KIAA0232: variants seen among roughly 807,000 people sequenced by gnomAD.
KIAA0232 encodes the protein KIAA0232.
A neutral mutation model predicts 122.0 loss-of-function variants in KIAA0232; 27 were observed. The ratio of observed to expected loss-of-function variants is 0.22; its 90% CI spans 0.16 to 0.31. The LOEUF is 0.31. KIAA0232 is among the 10% of genes least tolerant of loss of function. The probability of loss-of-function intolerance (pLI) is 1.00; values close to 1 mark genes in which losing one functional copy is unlikely to be tolerated. For missense variants in KIAA0232, 1,551 were observed against 1,634.2 expected (o/e 0.95, Z 0.88); for synonymous variants, 613 against 587.6 (o/e 1.04, Z -0.63).
In KIAA0232 at chr4:6,811,747, ATTT is replaced by A. The variant is rs10709832; in HGVS notation, c.-270+7164_-270+7166del. Among the ~76,000 whole-genome samples the A allele has an allele frequency of 3.9e-3, 404 of 103,888 alleles. 1 individual carries two copies. Among genetic ancestry groups the A allele is most frequent in the African/African-American group, 0.015 (388 of 26,494 alleles). 68.2% of individuals were successfully genotyped at this position (103,888 alleles called of 152,430 possible). A position where few individuals can be genotyped will look rare whatever the true frequency, so the allele number is the denominator to read the frequency against. On this transcript the variant is annotated intron_variant, in intron 2 of 9. Coordinates refer to ENST00000307659, the MANE Select transcript of KIAA0232 (RefSeq NM_014743.3). Reference sequence around the variant, plus strand: ...GGTGTGAGCCACTGTGCCTGGCCTAATTTTTTTTTTTTTTTTTTTTTTTTTAAG... The same window carrying A: ...GGTGTGAGCCACTGTGCCTGGCCTAATTTTTTTTTTTTTTTTTTTTTTAAG...
chr4:6,867,708 G>C (rs9685974), intron 7 of KIAA0232, among the ~76,000 whole-genome samples: 129,595 of 152,124 alleles, frequency 0.85, 55,822 homozygotes, highest in Non-Finnish European at 0.9. Flanking sequence ...CAGGGGTCAT[G>C]CTGGTGATGT....
intron 4 of KIAA0232, among the ~76,000 whole-genome samples, chr4:6,853,730 A>G (rs6818468): frequency 0.78 from 118,875 of 152,118 alleles, 47,019 homozygotes; most frequent in Non-Finnish European, 0.85. Flanking sequence ...AATAAGTCAA[A>G]TTGCCTTTCT....
chr4:6,878,858 G>A (rs1342180109), intron 9 of KIAA0232, among the ~76,000 whole-genome samples: 1 of 152,116 alleles, frequency 6.6e-6, no homozygotes, highest in Non-Finnish European at 1.5e-5. Flanking sequence ...TAGCATCATC[G>A]TCCACGTCCT....
At chr4:6,798,818 C>T (rs1192765874) in intron 1 of KIAA0232, among the ~76,000 whole-genome samples, 1 of 152,202 alleles carries the variant, frequency 6.6e-6, no homozygotes, top group Non-Finnish European at 1.5e-5. Flanking sequence ...TCCCAAAGTG[C>T]TGGGATTATA....
chr4:6,820,448 A>G (rs1051797389), intron 2 of KIAA0232, among the ~76,000 whole-genome samples: 3 of 152,162 alleles, frequency 2.0e-5, no homozygotes, highest in Non-Finnish European at 4.4e-5. Context: ...TGCTGTTTTA[A>G]AATTCAGTGT....
At chr4:6,874,410 C>T (rs1721647842) in intron 8 of KIAA0232, among the ~76,000 whole-genome samples, 1 of 152,108 alleles carries the variant, frequency 6.6e-6, no homozygotes, top group African/African-American at 2.4e-5. Context: ...GAAGGGATGG[C>T]ATGGGAGTGT....
chr4:6,795,613 G>C (rs997879830), intron 1 of KIAA0232, among the ~76,000 whole-genome samples: 1 of 151,636 alleles, frequency 6.6e-6, no homozygotes, highest in African/African-American at 2.4e-5. Context: ...TTTATTTTTT[G>C]AGCTAGGACA....
At chr4:6,842,857 G>C (rs1267422722) in intron 4 of KIAA0232, among the ~76,000 whole-genome samples, 2 of 152,082 alleles carry the variant, frequency 1.3e-5, no homozygotes, top group African/African-American at 4.8e-5. Flanking sequence ...CCAAAGTGCT[G>C]AGATTATAGG....
rs1415202038 is a variant in KIAA0232, at chr4:6,861,550, A to C, written c.1168A>C (p.Asn390His). ...STEGKDLYME[N>H]RKDTEYKEEP... The stretch of plus-strand genomic sequence containing the variant: ...TGAAGGAAAAGACCTGTACATGGAG[A>C]ATAGAAAGGACACAGAGTATAAAGA... The change falls in exon 7 of 10, where the codon AAT becomes CAT. Residue 390 changes from asparagine to histidine, a missense_variant. Asn to His is a moderately conservative substitution (Grantham distance 68). Around this residue, in one of 5 missense-constraint regions of KIAA0232, gnomAD observed 377 missense variants for 381.7 expected, o/e 0.99. Coordinates refer to ENST00000307659, the MANE Select transcript of KIAA0232 (RefSeq NM_014743.3). The C allele has an allele frequency of 1.9e-6, 3 of 1,614,116 alleles. No individual in the cohort carries two copies. Among genetic ancestry groups the C allele is most frequent in the Non-Finnish European group, 2.5e-6 (3 of 1,180,024 alleles).
At chr4:6,784,977 C>A (rs1362474647) in intron 1 of KIAA0232, among the ~76,000 whole-genome samples, 1 of 148,682 alleles carries the variant, frequency 6.7e-6, no homozygotes, top group Non-Finnish European at 1.5e-5. Context: ...TCTCGCTCTG[C>A]CGCCCAGGCT....
Position 6,824,435 on chromosome 4 carries a change from A to G in KIAA0232, c.-19A>G. The G allele has an allele frequency of 3.1e-6, 5 of 1,594,864 alleles. No homozygotes were observed. The highest frequency in any genetic ancestry group is 4.3e-6 in the Non-Finnish European group (5 of 1,162,442). ...GCAGAAAATGCTTCACATTTTAAGG[A>G]TGTCGGCAACCTAAATTCATGTACC... On this transcript the variant is annotated 5_prime_UTR_variant, in exon 3 of 10. It removes an upstream start codon present in the reference 5' UTR. Coordinates refer to ENST00000307659, the MANE Select transcript of KIAA0232 (RefSeq NM_014743.3).
chr4:6,857,526 T>A (rs559809803), intron 5 of KIAA0232, among the ~76,000 whole-genome samples: 1 of 152,320 alleles, frequency 6.6e-6, no homozygotes, highest in South Asian at 2.1e-4. Flanking sequence ...TTTTAATTGT[T>A]GTTGGCTTCA....
At chr4:6,812,291 G>T (rs1250626261) in intron 2 of KIAA0232, among the ~76,000 whole-genome samples, 1 of 152,128 alleles carries the variant, frequency 6.6e-6, no homozygotes, top group Non-Finnish European at 1.5e-5. Flanking sequence ...TTGCACACCG[G>T]CTCCATGAGG....
chr4:6,790,799 T>G lies in KIAA0232; in HGVS notation c.-354+7958T>G, dbSNP rs147713927. 3.9e-5 allele frequency among the ~76,000 whole-genome samples: 6 copies of G among 152,156 alleles called. 1 individual carries two copies. Among genetic ancestry groups the G allele is most frequent in the Non-Finnish European group, 7.3e-5 (5 of 68,028 alleles). ...ACATGTTTTTAATTCTTTCTTTGGT[T>G]GTTTTCCTTGCCACTGCTTTCTTTG... On this transcript the variant is annotated intron_variant, in intron 1 of 9. Coordinates refer to ENST00000307659, the MANE Select transcript of KIAA0232 (RefSeq NM_014743.3).
chr4:6,795,508 G>T (rs934651752), intron 1 of KIAA0232, among the ~76,000 whole-genome samples: 7 of 152,140 alleles, frequency 4.6e-5, no homozygotes, highest in Non-Finnish European at 1.0e-4. Flanking sequence ...ATTATATTTG[G>T]AGTGATATTA....
Position 6,882,520 on chromosome 4 carries a change from T to G in KIAA0232, c.*1554T>G, listed in dbSNP as rs1266945636. 1.3e-5 allele frequency: 2 copies of G among 152,182 alleles called. No homozygotes were observed. Among genetic ancestry groups the G allele is most frequent in the African/African-American group, 2.4e-5 (1 of 41,442 alleles). The allele number at this position is 152,182 out of a possible 1,614,324, so 9.4% of individuals were successfully genotyped here. ...AAAGACTGTGGAGTCATTGAGGGTC[T>G]GTGTGTCCTCACCGAGAGGGACCTG... On this transcript the variant is annotated 3_prime_UTR_variant, in exon 10 of 10. Transcript: ENST00000307659.
At chr4:6,852,485 AT>A (rs1276014685) in intron 4 of KIAA0232, among the ~76,000 whole-genome samples, 2 of 152,208 alleles carry the variant, frequency 1.3e-5, no homozygotes, top group South Asian at 2.1e-4. Flanking sequence ...ACCAGTAGTC[AT>A]TCTATCAGTA....
intron 3 of KIAA0232, among the ~76,000 whole-genome samples, chr4:6,827,388 G>A (rs1577377330): frequency 1.3e-5 from 2 of 152,328 alleles, no homozygotes; most frequent in South Asian, 2.1e-4. Flanking sequence ...CTTAGCTTCT[G>A]TCATCAGAAC....
intron 2 of KIAA0232, among the ~76,000 whole-genome samples, chr4:6,816,573 C>T (rs868093484): frequency 1.1e-4 from 16 of 152,272 alleles, no homozygotes; most frequent in Middle Eastern, 3.4e-3. Flanking sequence ...TGAGCCACCT[C>T]GCTCAGCCTG....
Sources: allele counts gnomAD v4.1 joint callset (sites outside exome capture counted in the v4.1 genomes callset), GRCh38; gene constraint gnomAD v4.1.1; regional missense constraint gnomAD v4.1.1; transcripts MANE v1.5; gene names NCBI Gene and HGNC (gene_info 2026-07-23, HGNC 2026-07-21).